The following FUBP1 variants were observed in gnomAD, a reference collection of about 807,000 sequenced individuals.
FUBP1 encodes the protein far upstream element binding protein 1, also known as far upstream element-binding protein 1.
In FUBP1, 16 loss-of-function variants were observed where a neutral mutation model predicts 94.9. That is an observed-to-expected ratio of 0.17 (90% CI 0.11 to 0.26). FUBP1 has a LOEUF of 0.26. Ranked by LOEUF, FUBP1 falls within the 10% of genes least tolerant of loss-of-function variation. FUBP1 has a pLI of 1.00. For missense variants in FUBP1, 583 were observed against 808.6 expected (o/e 0.72, Z 3.38); for synonymous variants, 279 against 254.9 (o/e 1.09, Z -0.90).
Position 77,979,068 on chromosome 1 carries a change from G to A in FUBP1, c.-64C>T, listed in dbSNP as rs1013192102. On this transcript the variant is annotated 5_prime_UTR_variant, in exon 1 of 20. Coordinates refer to ENST00000370768, the MANE Select transcript of FUBP1 (RefSeq NM_003902.5). ...TTCCTCTCAGCTAACAGCTAAGAAA[G>A]AAAGAAAATGGCGGCCGTCGAAGCT... 7 of 1,469,802 alleles carry A rather than the reference G, an allele frequency of 4.8e-6. No individual in the cohort carries two copies. Among genetic ancestry groups the A allele is most frequent in the Admixed American group, 4.9e-5 (2 of 41,148 alleles). 91.0% of individuals were successfully genotyped at this position (1,469,802 alleles called of 1,614,324 possible). A position where few individuals can be genotyped will look rare whatever the true frequency, so the allele number is the denominator to read the frequency against.
At position 77,978,996 on chromosome 1, in the gene FUBP1, G is replaced by A. The variant is rs2102565022; in HGVS notation, c.9C>T (p.Asp3=). 1.2e-6 allele frequency: 2 copies of A among 1,612,686 alleles called. No homozygotes were observed. Among genetic ancestry groups the A allele is most frequent in the East Asian group, 2.2e-5 (1 of 44,834 alleles). ...AAGAGGGGGGAGGCACTGTTGAATA[G>A]TCTGCCATGGTTGCACTATAAGAGC... MA[D]YSTVPPPSSG... is the part of the protein sequence containing the mutation. The change falls in exon 1 of 20, where the codon GAC becomes GAT. Residue 3 remains aspartate, a synonymous_variant. Transcript: ENST00000370768.
intron 4 of FUBP1, 30 bp downstream of exon 4, chr1:77,967,597 G>T (rs1261642024): frequency 1.9e-6 from 3 of 1,552,996 alleles, no homozygotes; most frequent in Middle Eastern, 1.7e-4. Flanking sequence ...AAAACTTGCA[G>T]AGTACTTTTT....
intron 1 of FUBP1, 44 bp from the exon 2 acceptor site, chr1:77,970,059 T>TTA: frequency 1.1e-6 from 1 of 936,374 alleles, no homozygotes; most frequent in Non-Finnish European, 1.6e-6. Flanking sequence ...TATTATATAC[T>TTA]ATTCATTACT....
At position 77,964,883 on chromosome 1, in the gene FUBP1, G is replaced by A; in HGVS notation, c.722C>T (p.Pro241Leu). 1 of 1,602,906 alleles carries A rather than the reference G, an allele frequency of 6.2e-7. No individual in the cohort carries two copies. Among genetic ancestry groups the A allele is most frequent in the Non-Finnish European group, 8.5e-7 (1 of 1,169,832 alleles). ...ADKPLRITGD[P>L]YKVQQAKEMV... ...AGTTAAGTTTACTTGAACTTTATATGGGTCTCCTGTAATCCTAAGAGGTTT... is the reference window on the plus strand; with the variant it reads ...AGTTAAGTTTACTTGAACTTTATATAGGTCTCCTGTAATCCTAAGAGGTTT... Residue 241 changes from proline to leucine, a missense_variant, in exon 9 of 20, where the codon CCA becomes CTA. Transcript: ENST00000370768.
In FUBP1 at chr1:77,947,927, C is replaced by T. The variant is rs1234505820; in HGVS notation, c.*839G>A. The stretch of plus-strand genomic sequence containing the variant: ...AACATTATATACATTGAAAGAGTTG[C>T]TTCACATGGAAAAAAACTGTTCTTA... On this transcript the variant is annotated 3_prime_UTR_variant, in exon 20 of 20. Coordinates refer to ENST00000370768, the MANE Select transcript of FUBP1 (RefSeq NM_003902.5). 8 of 991,652 alleles carry T rather than the reference C, an allele frequency of 8.1e-6. No individual in the cohort carries two copies. Among genetic ancestry groups the T allele is most frequent in the Non-Finnish European group, 9.9e-6 (8 of 808,996 alleles). 61.4% of individuals were successfully genotyped at this position (991,652 alleles called of 1,614,324 possible).
intron 10 of FUBP1, 33 bp downstream of exon 10, chr1:77,964,613 T>C (rs1656132420): frequency 8.7e-7 from 1 of 1,143,758 alleles, no homozygotes; most frequent in South Asian, 1.2e-5. Context: ...TGAATTAGCA[T>C]ACAACCATTT....
upstream of FUBP1, chr1:77,979,158 G>T: frequency 1.3e-6 from 1 of 745,486 alleles, no homozygotes; most frequent in Non-Finnish European, 2.1e-6. Flanking sequence ...AAAATCTCGC[G>T]ATGTTTCCGA....
chr1:77,948,821 T>A, intron 19 of FUBP1, 47 bp from the exon 20 acceptor site: 1 of 1,607,048 alleles, frequency 6.2e-7, no homozygotes, highest in Admixed American at 1.7e-5. Flanking sequence ...TTAAAGAAAA[T>A]CCTTGAAATG....
intron 16 of FUBP1, 134 bp from the exon 17 acceptor site, chr1:77,956,834 T>C: frequency 2.0e-6 from 1 of 507,514 alleles, no homozygotes; most frequent in Non-Finnish European, 3.3e-6. Context: ...AAAAAAAGTA[T>C]ATGAAAACTT....
Position 77,964,283 on chromosome 1 carries a change from T to A in FUBP1, c.911A>T (p.Asp304Val). Residue 304 changes from aspartate (D) to valine (V), a missense_variant, in exon 11 of 20, where the codon GAT becomes GTT. Coordinates refer to ENST00000370768, the MANE Select transcript of FUBP1 (RefSeq NM_003902.5). ...NGEMIKKIQN[D>V]AGVRIQFKPD... is the part of the protein sequence containing the mutation. ...CTTAAACTGAATGCGAACACCAGCA[T>A]CATTTTGTATTTTTTTGATCATCTC... 1 of 1,609,864 alleles carries A rather than the reference T, an allele frequency of 6.2e-7. No individual in the cohort carries two copies. Among genetic ancestry groups the A allele is most frequent in the Non-Finnish European group, 8.5e-7 (1 of 1,178,048 alleles).
rs1417948260 is a variant in FUBP1 at position 77,945,165 on chromosome 1, G to A, written c.*3601C>T. On this transcript the variant is annotated 3_prime_UTR_variant, in exon 20 of 20. Transcript: ENST00000370768. Reference sequence around the variant, plus strand: ...TGAATAAAAGAATTCTCATGAGACAGAAACAATGCCCCAATATCTATTATC... The same window carrying A: ...TGAATAAAAGAATTCTCATGAGACAAAAACAATGCCCCAATATCTATTATC... Among the ~76,000 whole-genome samples the A allele has an allele frequency of 6.6e-6, 1 of 151,900 alleles. No individual in the cohort carries two copies.
At position 77,979,016 on chromosome 1, in the gene FUBP1, A is replaced by G; in HGVS notation, c.-12T>C. 6.2e-7 allele frequency: 1 copy of G among 1,603,018 alleles called. No homozygotes were observed. Among genetic ancestry groups the G allele is most frequent in the Non-Finnish European group, 8.5e-7 (1 of 1,172,180 alleles). ...GAATAGTCTGCCATGGTTGCACTAT[A>G]AGAGCCGCTGCCGCCTGTTCAGAGA... On this transcript the variant is annotated 5_prime_UTR_variant, in exon 1 of 20. Coordinates refer to ENST00000370768, the MANE Select transcript of FUBP1 (RefSeq NM_003902.5).
rs1652388713 is a variant in FUBP1, at chr1:77,947,391, T to C, written c.*1375A>G. On this transcript the variant is annotated 3_prime_UTR_variant, in exon 20 of 20. Coordinates refer to ENST00000370768, the MANE Select transcript of FUBP1 (RefSeq NM_003902.5). ...CACACAACGTATGGCATTTGCATTA[T>C]GTGGAACATTGACAAAAAGATACTG... is the stretch of plus-strand genomic sequence containing the variant. 1.9e-6 allele frequency: 1 copy of C among 523,694 alleles called. No homozygotes were observed. The highest frequency in any genetic ancestry group is 2.3e-5 in the Admixed American group (1 of 43,774). The allele number at this position is 523,694 out of a possible 1,614,324, so 32.4% of individuals were successfully genotyped here.
chr1:77,964,948 C>T lies in FUBP1; in HGVS notation c.657G>A (p.Met219Ile). ...TCTGCGGCCCGTCTTGAATCATAAC[C>T]ATTTTAACTCCAGCCCGTTCCTGTT... ...KQLQERAGVK[M>I]VMIQDGPQNT... The change falls in exon 9 of 20, where the codon ATG becomes ATA. Residue 219 changes from methionine to isoleucine, a missense_variant. By Grantham distance (10) the Met-to-Ile change is conservative. Coordinates refer to ENST00000370768, the MANE Select transcript of FUBP1 (RefSeq NM_003902.5). 1 of 1,612,442 alleles carries T rather than the reference C, an allele frequency of 6.2e-7. No individual in the cohort carries two copies. Among genetic ancestry groups the T allele is most frequent in the Non-Finnish European group, 8.5e-7 (1 of 1,178,534 alleles).
chr1:77,967,979 C>T (rs1359491145), intron 3 of FUBP1, among the ~76,000 whole-genome samples, 186 bp downstream of exon 3: 2 of 151,990 alleles, frequency 1.3e-5, no homozygotes, highest in East Asian at 1.9e-4. Flanking sequence ...TACATATACC[C>T]GGCCACAATT....
At chr1:77,969,054 G>A (rs962742183) in intron 2 of FUBP1, 1 of 1,289,452 alleles carries the variant, frequency 7.8e-7, no homozygotes, top group African/African-American at 1.5e-5. Flanking sequence ...CTCCCAGTGT[G>A]TTGTACTGCT....
rs1653477794 is a variant in FUBP1 at position 77,951,593 on chromosome 1, G to A, written c.1781-2293C>T. 6.6e-5 allele frequency among the ~76,000 whole-genome samples: 10 copies of A among 152,312 alleles called. No individual in the cohort carries two copies. The South Asian group carries it at 2.1e-3, about 32-fold the overall frequency. ...GGGTCTTGCTCTGTCACCTAGGCCAGAACACAGTGGCAGTGGTGTGATCAT... is the reference window on the plus strand; with the variant it reads ...GGGTCTTGCTCTGTCACCTAGGCCAAAACACAGTGGCAGTGGTGTGATCAT... On this transcript the variant is annotated intron_variant, in intron 18 of 19. Transcript: ENST00000370768.
At chr1:77,959,452 CAGA>C (rs1655054226) in intron 16 of FUBP1, among the ~76,000 whole-genome samples, 1 of 152,114 alleles carries the variant, frequency 6.6e-6, no homozygotes, top group Admixed American at 6.6e-5. Flanking sequence ...AGTACTAGAA[CAGA>C]TATCTTATTT....
Position 77,964,053 on chromosome 1 carries a change from C to G in FUBP1, c.1041+9G>C, listed in dbSNP as rs2102390092. 6.8e-7 allele frequency: 1 copy of G among 1,466,338 alleles called. No individual in the cohort carries two copies. The highest frequency in any genetic ancestry group is 9.6e-7 in the Non-Finnish European group (1 of 1,046,012). 90.8% of individuals were successfully genotyped at this position (1,466,338 alleles called of 1,614,324 possible). A position where few individuals can be genotyped will look rare whatever the true frequency, so the allele number is the denominator to read the frequency against. Reference sequence around the variant, plus strand: ...AACAAAAAATGAAAATGTTAACTTTCTATCAAACCTGAACACTTCGAAGAA... The same window carrying G: ...AACAAAAAATGAAAATGTTAACTTTGTATCAAACCTGAACACTTCGAAGAA... On this transcript the variant is annotated intron_variant, in intron 12 of 19. Transcript: ENST00000370768.
Sources: allele counts gnomAD v4.1 joint callset (sites outside exome capture counted in the v4.1 genomes callset), GRCh38; gene constraint gnomAD v4.1.1; transcripts MANE v1.5; gene names NCBI Gene and HGNC (gene_info 2026-07-23, HGNC 2026-07-21).